TMEM232: variants seen among roughly 807,000 people sequenced by gnomAD.
The protein encoded by TMEM232 is transmembrane protein 232.
A neutral mutation model predicts 78.8 loss-of-function variants in TMEM232; 80 were observed. The ratio of observed to expected loss-of-function variants is 1.01; its 90% CI spans 0.85 to 1.22. The LOEUF (loss-of-function observed/expected upper bound fraction) is 1.22, where lower values mean the gene tolerates loss of function less well. Ranked by LOEUF, TMEM232 falls within the 50% of genes most tolerant of loss-of-function variation. The pLI is 0.00. For missense variants in TMEM232, 881 were observed against 742.2 expected (o/e 1.19, Z -2.17); for synonymous variants, 297 against 254.3 (o/e 1.17, Z -1.60).
chr5:110,524,184 A>G (rs1486448215), intron 12 of TMEM232, among the ~76,000 whole-genome samples: 1 of 150,178 alleles, frequency 6.7e-6, no homozygotes. Context: ...AATTGCTTGA[A>G]CCAGGAGGTG....
intron 12 of TMEM232, among the ~76,000 whole-genome samples, chr5:110,475,140 A>C (rs899289923): frequency 6.6e-6 from 1 of 152,040 alleles, no homozygotes; most frequent in Non-Finnish European, 1.5e-5. Flanking sequence ...GTAAGGAAGT[A>C]GACCAATGGA....
intron 12 of TMEM232, among the ~76,000 whole-genome samples, chr5:110,457,030 C>G (rs1760984892): frequency 6.6e-6 from 1 of 151,996 alleles, no homozygotes; most frequent in Non-Finnish European, 1.5e-5. Context: ...AATTGGACTT[C>G]ATCAAGAATA....
Position 110,528,744 on chromosome 5 carries a change from C to T in TMEM232, c.1547G>A (p.Gly516Glu), listed in dbSNP as rs1252126353. 19 of 1,532,918 alleles carry T rather than the reference C, an allele frequency of 1.2e-5. No homozygotes were observed. The highest frequency in any genetic ancestry group is 1.6e-5 in the Non-Finnish European group (18 of 1,145,466). The allele number at this position is 1,532,918 out of a possible 1,614,324, so 95.0% of individuals were successfully genotyped here. A position where few individuals can be genotyped will look rare whatever the true frequency, so the allele number is the denominator to read the frequency against. Residue 516 changes from glycine (G) to glutamate (E), a missense_variant, in exon 12 of 14, where the codon GGG (glycine) becomes GAG (glutamate). Coordinates refer to ENST00000455884, the MANE Select transcript of TMEM232 (RefSeq NM_001039763.4). ...GGAAAGAGTGTTGGCAATTCTCCAC[C>T]CAATATATTTGGAGAAAACTTCTTC... ...VGEEVFSKYI[G>E]WRIANTLSKL...
Position 110,675,013 on chromosome 5 carries a change from C to CTATTTATT in TMEM232, c.-12-7657_-12-7650dup, listed in dbSNP as rs34606644. Among the ~76,000 whole-genome samples the CTATTTATT allele has an allele frequency of 4.3e-3, 648 of 149,782 alleles. 2 individuals are homozygous for CTATTTATT. The highest frequency in any genetic ancestry group is 9.8e-3 in the African/African-American group (397 of 40,390). ...AGAAAAGCTTGCATTTGTTATTATT[C>CTATTTATT]TATTTATTTATTTATTTATTTATTT... On this transcript the variant is annotated intron_variant, in intron 1 of 13. Coordinates refer to ENST00000455884, the MANE Select transcript of TMEM232 (RefSeq NM_001039763.4).
chr5:110,674,961 A>G (rs534837950), intron 1 of TMEM232, among the ~76,000 whole-genome samples: 25 of 152,338 alleles, frequency 1.6e-4, no homozygotes, highest in Admixed American at 7.2e-4. Context: ...ATTTACAAGT[A>G]TAATTAGCTC....
chr5:110,431,640 T>TTAAA (rs3065620), intron 12 of TMEM232, among the ~76,000 whole-genome samples: 155 of 151,266 alleles, frequency 1.0e-3, no homozygotes, highest in African/African-American at 2.9e-3. Context: ...ATAAGTATAT[T>TTAAA]TAAATAAATA....
intron 1 of TMEM232, among the ~76,000 whole-genome samples, chr5:110,690,310 A>G (rs952178026): frequency 6.6e-6 from 1 of 152,128 alleles, no homozygotes; most frequent in Non-Finnish European, 1.5e-5. Flanking sequence ...ACCCCTTCAA[A>G]AAGTGGGTAA....
At chr5:110,542,339 C>G (rs534550632) in intron 11 of TMEM232, among the ~76,000 whole-genome samples, 1 of 152,110 alleles carries the variant, frequency 6.6e-6, no homozygotes, top group Non-Finnish European at 1.5e-5. Flanking sequence ...AGTTATATAA[C>G]AAACATTCCT....
chr5:110,550,111 T>A (rs1774270839), intron 11 of TMEM232, among the ~76,000 whole-genome samples: 1 of 152,196 alleles, frequency 6.6e-6, no homozygotes, highest in African/African-American at 2.4e-5. Context: ...CTTCACCAAG[T>A]TATTTTTATT....
intron 1 of TMEM232, among the ~76,000 whole-genome samples, chr5:110,725,986 C>T (rs1371288264): frequency 6.6e-6 from 1 of 152,008 alleles, no homozygotes; most frequent in Non-Finnish European, 1.5e-5. Context: ...ATAAGAGACT[C>T]TTACTACAGT....
chr5:110,525,384 T>C (rs905409915), intron 12 of TMEM232, among the ~76,000 whole-genome samples: 6 of 151,936 alleles, frequency 3.9e-5, no homozygotes, highest in African/African-American at 1.4e-4. Flanking sequence ...CAGAAAGCAA[T>C]AGCTTTGAAA....
intron 12 of TMEM232, among the ~76,000 whole-genome samples, chr5:110,481,694 T>C (rs990353369): frequency 2.0e-5 from 3 of 152,154 alleles, no homozygotes; most frequent in African/African-American, 7.2e-5. Flanking sequence ...CTTCAGAACA[T>C]GGGAAAGCAC....
rs529426638 is a variant in TMEM232, at chr5:110,659,317, A to T, written c.125+7911T>A. Reference sequence around the variant, plus strand: ...TACCTTGGTGTCCAGCAGAAAAAGAATGAGAATGGAAAAGAAAAAAGAACT... The same window carrying T: ...TACCTTGGTGTCCAGCAGAAAAAGATTGAGAATGGAAAAGAAAAAAGAACT... On this transcript the variant is annotated intron_variant, in intron 2 of 13. Coordinates refer to ENST00000455884, the MANE Select transcript of TMEM232 (RefSeq NM_001039763.4). 3.9e-5 allele frequency among the ~76,000 whole-genome samples: 6 copies of T among 152,252 alleles called. No individual in the cohort carries two copies. The South Asian group carries it at 1.2e-3, about 32-fold the overall frequency.
At chr5:110,459,402 G>C (rs1257279504) in intron 12 of TMEM232, among the ~76,000 whole-genome samples, 4 of 151,952 alleles carry the variant, frequency 2.6e-5, no homozygotes, top group Admixed American at 2.6e-4. Flanking sequence ...AAAATAAAAG[G>C]TTTTTTAATC....
intron 1 of TMEM232, among the ~76,000 whole-genome samples, chr5:110,736,193 C>A (rs184760700): frequency 6.6e-6 from 1 of 152,020 alleles, no homozygotes; most frequent in African/African-American, 2.4e-5. Context: ...AAACTCTGGA[C>A]GATTTCAGCA....
rs1034825812 is a variant in TMEM232, at chr5:110,532,423, G to A, written c.1456-3588C>T. 7.3e-5 allele frequency among the ~76,000 whole-genome samples: 11 copies of A among 151,574 alleles called. 1 individual carries two copies. The highest frequency in any genetic ancestry group is 6.6e-4 in the Admixed American group (10 of 15,206). On this transcript the variant is annotated intron_variant, in intron 11 of 13. Transcript: ENST00000455884. ...CGTCCCCTTCTTAATCAATACGGAG[G>A]CTACCCACTCCACATTACCTTCTTT...
chr5:110,482,591 TTA>T (rs56779127), intron 12 of TMEM232, among the ~76,000 whole-genome samples: 17,013 of 147,352 alleles, frequency 0.12, 2,419 homozygotes, highest in African/African-American at 0.33. Flanking sequence ...CAAAAAAAAT[TTA>T]TATATATATA....
chr5:110,667,108 G>A (rs1790693131), intron 2 of TMEM232, 120 bp downstream of exon 2: 6 of 808,190 alleles, frequency 7.4e-6, no homozygotes, highest in Non-Finnish European at 1.1e-5. Context: ...TAAACAAATA[G>A]TAAACTTTAA....
At chr5:110,622,542 T>C (rs1000668734) in intron 7 of TMEM232, among the ~76,000 whole-genome samples, 1 of 152,118 alleles carries the variant, frequency 6.6e-6, no homozygotes. Context: ...TATGGCTGCA[T>C]AGTATTCCAT....
Sources: allele counts gnomAD v4.1 joint callset (sites outside exome capture counted in the v4.1 genomes callset), GRCh38; gene constraint gnomAD v4.1.1; transcripts MANE v1.5; gene names NCBI Gene and HGNC (gene_info 2026-07-23, HGNC 2026-07-21).